The following ADAMTS20 variants were observed in gnomAD, a reference collection of about 807,000 sequenced individuals.
ADAMTS20 encodes the protein ADAM metallopeptidase with thrombospondin type 1 motif 20.
ADAMTS20 carries 225 observed loss-of-function variants against 260.1 expected under a neutral mutation model. The ratio of observed to expected loss-of-function variants is 0.87; its 90% confidence interval spans 0.78 to 0.97. The LOEUF is 0.97. Among genes scored for constraint, ADAMTS20 ranks in the 50% least tolerant of loss-of-function variants. The pLI, the probability that ADAMTS20 is intolerant of heterozygous loss-of-function variation, is 0.00. For missense variants in ADAMTS20, 2,400 were observed against 2,337.7 expected (o/e 1.03, Z -0.55); for synonymous variants, 802 against 769.5 (o/e 1.04, Z -0.70).
At chr12:43,456,510 G>A (rs945606911) in intron 11 of ADAMTS20, among the ~76,000 whole-genome samples, 1 of 152,098 alleles carries the variant, frequency 6.6e-6, no homozygotes, top group African/African-American at 2.4e-5. Context: ...ATTCCTCCAT[G>A]AATCTGCTCA....
rs1014762198 is a variant in ADAMTS20, at chr12:43,375,292, C to T, written c.5446+87G>A. 3.6e-5 allele frequency: 52 copies of T among 1,425,926 alleles called. No homozygotes were observed. The Admixed American group carries it at 1.2e-3, about 34-fold the overall frequency. 88.3% of individuals were successfully genotyped at this position (1,425,926 alleles called of 1,614,324 possible). ...CACAATGTCAGGTCCTTCTCTGTAC[C>T]CTGGCTACAACATATACCAACATAT... On this transcript the variant is annotated intron_variant, in intron 36 of 38. Coordinates refer to ENST00000389420, the MANE Select transcript of ADAMTS20 (RefSeq NM_025003.5).
chr12:43,439,779 A>G (rs1298001007), intron 17 of ADAMTS20, 28 bp from the exon 18 acceptor site: 3 of 1,583,288 alleles, frequency 1.9e-6, no homozygotes, highest in Admixed American at 3.6e-5. Flanking sequence ...AGAACATACA[A>G]TTAATACATA....
chr12:43,411,437 G>A (rs1312106639), intron 28 of ADAMTS20, among the ~76,000 whole-genome samples: 4 of 152,014 alleles, frequency 2.6e-5, no homozygotes, highest in Non-Finnish European at 5.9e-5. Flanking sequence ...GCACGATCTC[G>A]GCTCACTGCA....
At chr12:43,535,426 T>C (rs1483828553) in intron 2 of ADAMTS20, among the ~76,000 whole-genome samples, 1 of 152,020 alleles carries the variant, frequency 6.6e-6, no homozygotes, top group Non-Finnish European at 1.5e-5. Flanking sequence ...GTCCATAAAC[T>C]TGGGTGAGAA....
intron 3 of ADAMTS20, among the ~76,000 whole-genome samples, chr12:43,513,912 G>C (rs1479916370): frequency 2.1e-5 from 3 of 141,842 alleles, no homozygotes; most frequent in Non-Finnish European, 4.6e-5. Context: ...GGCCTGTTGC[G>C]GGTGAGGGGA....
At chr12:43,511,039 C>T (rs941994615) in intron 3 of ADAMTS20, among the ~76,000 whole-genome samples, 3 of 151,964 alleles carry the variant, frequency 2.0e-5, no homozygotes, top group South Asian at 2.1e-4. Context: ...CCATTGGGCT[C>T]CTCCTATCCC....
chr12:43,497,347 A>G (rs1942692013), intron 4 of ADAMTS20, among the ~76,000 whole-genome samples: 1 of 152,174 alleles, frequency 6.6e-6, no homozygotes, highest in Admixed American at 6.5e-5. Context: ...CATTTTGAAA[A>G]TAATTTCTAG....
chr12:43,377,272 G>A, intron 32 of ADAMTS20, 93 bp downstream of exon 32: 1 of 1,133,850 alleles, frequency 8.8e-7, no homozygotes, highest in Non-Finnish European at 1.2e-6. Flanking sequence ...AGGCAACTCT[G>A]AGGATCTAGT....
At chr12:43,354,339 G>T in intron 38 of ADAMTS20, 41 bp from the exon 39 acceptor site, 1 of 1,430,214 alleles carries the variant, frequency 7.0e-7, no homozygotes, top group Non-Finnish European at 9.6e-7. Flanking sequence ...TCTTATACAA[G>T]CTGGTATCTG....
intron 36 of ADAMTS20, among the ~76,000 whole-genome samples, chr12:43,369,869 T>C (rs75638702): frequency 0.022 from 3,416 of 152,210 alleles, 58 homozygotes; most frequent in East Asian, 0.085. Flanking sequence ...TTGCATTATG[T>C]TATTCTTTTT....
chr12:43,397,430 A>G (rs151114854), intron 29 of ADAMTS20, among the ~76,000 whole-genome samples: 24 of 152,276 alleles, frequency 1.6e-4, no homozygotes, highest in African/African-American at 5.3e-4. Flanking sequence ...TAATGGCCAA[A>G]ATATATGTAG....
At chr12:43,402,253 CTT>C (rs1163246160) in intron 28 of ADAMTS20, among the ~76,000 whole-genome samples, 1 of 151,680 alleles carries the variant, frequency 6.6e-6, no homozygotes, top group Non-Finnish European at 1.5e-5. Flanking sequence ...TTTTAATTTG[CTT>C]TTATTAAACT....
chr12:43,550,660 G>A (rs1943498984), intron 2 of ADAMTS20, among the ~76,000 whole-genome samples: 1 of 152,144 alleles, frequency 6.6e-6, no homozygotes, highest in Non-Finnish European at 1.5e-5. Flanking sequence ...CACCACTCCA[G>A]GGATGATGAA....
chr12:43,374,034 A>G (rs1940167966), intron 36 of ADAMTS20, among the ~76,000 whole-genome samples: 1 of 152,124 alleles, frequency 6.6e-6, no homozygotes, highest in African/African-American at 2.4e-5. Context: ...GGAAAGAAAA[A>G]GGAAATGAAG....
intron 28 of ADAMTS20, among the ~76,000 whole-genome samples, chr12:43,409,470 C>T (rs576806674): frequency 1.7e-4 from 25 of 149,138 alleles, no homozygotes; most frequent in African/African-American, 4.2e-4. Flanking sequence ...GGCGTAGTGG[C>T]GGGCGCCTGT....
chr12:43,544,138 GAAAT>G (rs1943412283), intron 2 of ADAMTS20, among the ~76,000 whole-genome samples: 1 of 152,062 alleles, frequency 6.6e-6, no homozygotes, highest in African/African-American at 2.4e-5. Flanking sequence ...AATTGCAACA[GAAAT>G]AAAGCCACAA....
At position 43,358,836 on chromosome 12, in the gene ADAMTS20, CA is replaced by C. The variant is rs151206551; in HGVS notation, c.5539-2249del. Among the ~76,000 whole-genome samples, 346 of 61,236 alleles carry C rather than the reference CA, an allele frequency of 5.7e-3. 2 individuals are homozygous for C. The highest frequency in any genetic ancestry group is 0.043 in the East Asian group (82 of 1,886). The allele number at this position is 61,236 out of a possible 152,430, so 40.2% of individuals were successfully genotyped here. On this transcript the variant is annotated intron_variant, in intron 37 of 38. Transcript: ENST00000389420. ...TGGGCGACAGAGCGAAACTCCGTCT[CA>C]AAAAAAAAAAAAAAAAAAAAGTAAT...
intron 28 of ADAMTS20, among the ~76,000 whole-genome samples, chr12:43,409,526 C>T (rs1449613925): frequency 7.6e-6 from 1 of 131,404 alleles, no homozygotes; most frequent in Non-Finnish European, 1.6e-5. Flanking sequence ...GGCGTGAACC[C>T]GGGAGGCGGA....
intron 2 of ADAMTS20, among the ~76,000 whole-genome samples, chr12:43,545,870 A>T (rs1201068864): frequency 6.6e-6 from 1 of 152,094 alleles, no homozygotes; most frequent in Non-Finnish European, 1.5e-5. Context: ...ACTTCCCCTA[A>T]CTAAAATCTT....
Sources: gnomAD v4.1 joint callset for allele counts (sites outside exome capture counted in the v4.1 genomes callset) on GRCh38, gnomAD v4.1.1 for gene constraint, MANE v1.5 for transcripts, NCBI Gene and HGNC (gene_info 2026-07-23, HGNC 2026-07-21) for gene names.